DLGAP2: variants seen among roughly 807,000 people sequenced by gnomAD.
DLGAP2 encodes disks large-associated protein 2.
DLGAP2 carries 26 observed loss-of-function variants against 100.3 expected under a neutral mutation model. The observed-to-expected ratio is 0.26, with a 90% CI of 0.19 to 0.36. The LOEUF (loss-of-function observed/expected upper bound fraction) is 0.36, where lower values mean the gene tolerates loss of function less well. Ranked by LOEUF, DLGAP2 falls within the 10% of genes least tolerant of loss-of-function variation. DLGAP2 has a pLI of 1.00. For synonymous variants in DLGAP2, 886 were observed against 630.1 expected, an observed-to-expected ratio of 1.41 and a Z score of -6.08; for missense variants, 1,858 against 1,453.2, an observed-to-expected ratio of 1.28 and a Z score of -4.53.
At position 1,203,908 on chromosome 8, in the gene DLGAP2, T is replaced by C. The variant is rs560772780; in HGVS notation, c.74-54943T>C. On this transcript the variant is annotated intron_variant, in intron 2 of 14. Coordinates refer to ENST00000637795, the MANE Select transcript of DLGAP2 (RefSeq NM_001346810.2). ...GAAGTGCCTGTATCAGGACTCAGCCTGACCACCTGTGAGCCTGCCCCTGGG... is the reference window on the plus strand; with the variant it reads ...GAAGTGCCTGTATCAGGACTCAGCCCGACCACCTGTGAGCCTGCCCCTGGG... 3.2e-5 allele frequency among the ~76,000 whole-genome samples: 4 copies of C among 126,982 alleles called. No homozygotes were observed. In the South Asian group the frequency reaches 1.0e-3, roughly 33 times the overall value. The allele number at this position is 126,982 out of a possible 152,430, so 83.3% of individuals were successfully genotyped here.
chr8:1,522,937 C>G (rs967826556), intron 4 of DLGAP2, among the ~76,000 whole-genome samples: 1 of 152,096 alleles, frequency 6.6e-6, no homozygotes, highest in Non-Finnish European at 1.5e-5. Context: ...ACCTGGGTGA[C>G]AGATGTATAT....
intron 3 of DLGAP2, among the ~76,000 whole-genome samples, chr8:1,392,138 C>T (rs1796373948): frequency 6.6e-6 from 1 of 152,154 alleles, no homozygotes; most frequent in South Asian, 2.1e-4. Flanking sequence ...TCTAATTTTT[C>T]AGAGGCTGGG....
chr8:1,356,045 C>T (rs558815950), intron 3 of DLGAP2, among the ~76,000 whole-genome samples: 12 of 152,238 alleles, frequency 7.9e-5, no homozygotes, highest in Non-Finnish European at 1.3e-4. Context: ...ACTGCACTGT[C>T]GGTCAGTATG....
chr8:1,435,364 T>A (rs1797587175), intron 3 of DLGAP2, among the ~76,000 whole-genome samples: 1 of 152,094 alleles, frequency 6.6e-6, no homozygotes. Context: ...CACACGGGTG[T>A]TTCAGTCAAA....
chr8:1,501,525 C>A, intron 4 of DLGAP2, 94 bp downstream of exon 4: 2 of 1,215,598 alleles, frequency 1.6e-6, no homozygotes, highest in Non-Finnish European at 2.3e-6. Flanking sequence ...CCCACAAACA[C>A]ACGTTAGCAT....
intron 2 of DLGAP2, among the ~76,000 whole-genome samples, chr8:1,237,680 A>T (rs1280440340): frequency 5.0e-5 from 6 of 121,144 alleles, no homozygotes; most frequent in Non-Finnish European, 1.0e-4. Context: ...GTTCTCTCTC[A>T]CATGGCACCG....
At chr8:1,286,918 G>A (rs1799933421) in intron 3 of DLGAP2, among the ~76,000 whole-genome samples, 2 of 152,200 alleles carry the variant, frequency 1.3e-5, no homozygotes, top group African/African-American at 4.8e-5. Flanking sequence ...AATACAATGA[G>A]GGCTTATGCT....
chr8:1,517,161 G>T (rs1432364244), intron 4 of DLGAP2, among the ~76,000 whole-genome samples: 1 of 152,160 alleles, frequency 6.6e-6, no homozygotes, highest in African/African-American at 2.4e-5. Flanking sequence ...TGGGTGGAGG[G>T]CGAGTCCTGG....
intron 3 of DLGAP2, among the ~76,000 whole-genome samples, chr8:1,464,012 A>G (rs539404730): frequency 2.6e-4 from 39 of 152,374 alleles, no homozygotes; most frequent in African/African-American, 9.1e-4. Context: ...GAAAAAGACC[A>G]AAGTATCATG....
At chr8:754,271 C>A (rs1820864166) in intron 1 of DLGAP2, 1 of 152,242 alleles carries the variant, frequency 6.6e-6, no homozygotes, top group Admixed American at 6.5e-5. Context: ...CTGCCGAGTA[C>A]TTCCCGATCT....
chr8:1,029,701 C>T (rs1801921153), intron 2 of DLGAP2, among the ~76,000 whole-genome samples: 2 of 152,042 alleles, frequency 1.3e-5, no homozygotes, highest in African/African-American at 4.8e-5. Context: ...AGGCGGGTGA[C>T]CTTGACTGAG....
intron 2 of DLGAP2, among the ~76,000 whole-genome samples, chr8:973,246 A>G (rs28380445): frequency 0.43 from 63,437 of 146,466 alleles, 14,017 homozygotes; most frequent in Admixed American, 0.56. Context: ...GGCCGGGCGG[A>G]GGCTGTCCCC....
intron 3 of DLGAP2, chr8:1,297,374 G>A (rs1800206585): frequency 6.6e-6 from 1 of 152,452 alleles, no homozygotes; most frequent in African/African-American, 2.4e-5. Context: ...CAGAGCTTCA[G>A]TGAGAGCTTT....
At chr8:781,821 C>A (rs1455162552) in intron 1 of DLGAP2, among the ~76,000 whole-genome samples, 3 of 152,128 alleles carry the variant, frequency 2.0e-5, no homozygotes, top group Non-Finnish European at 4.4e-5. Context: ...TTTGCAACAA[C>A]AATTATATAA....
intron 2 of DLGAP2, among the ~76,000 whole-genome samples, chr8:1,226,482 G>T (rs1047883806): frequency 2.6e-5 from 4 of 152,152 alleles, no homozygotes; most frequent in Admixed American, 2.0e-4. Flanking sequence ...AGGGGGCAAG[G>T]GGGAGGGAGA....
chr8:1,694,742 C>T (rs554795796), intron 13 of DLGAP2, among the ~76,000 whole-genome samples: 15 of 152,224 alleles, frequency 9.9e-5, no homozygotes, highest in East Asian at 7.7e-4. Flanking sequence ...ATCCAATGGA[C>T]GCCGGATGCC....
intron 6 of DLGAP2, 150 bp from the exon 7 acceptor site, chr8:1,626,590 C>G: frequency 1.1e-6 from 1 of 935,798 alleles, no homozygotes; most frequent in East Asian, 2.6e-5. Context: ...GCAGCAGGTG[C>G]TCAGCCTCTG....
intron 3 of DLGAP2, among the ~76,000 whole-genome samples, chr8:1,493,908 C>T (rs776331888): frequency 5.3e-5 from 8 of 152,140 alleles, no homozygotes; most frequent in South Asian, 2.1e-4. Context: ...CATTTCATTT[C>T]GAAAAAGGCC....
chr8:1,353,305 C>T (rs1003590467), intron 3 of DLGAP2, among the ~76,000 whole-genome samples: 1 of 152,168 alleles, frequency 6.6e-6, no homozygotes, highest in East Asian at 1.9e-4. Flanking sequence ...CACAGCAGTG[C>T]GATAAGATTG....
Sources: allele counts gnomAD v4.1 joint callset (sites outside exome capture counted in the v4.1 genomes callset), GRCh38; gene constraint gnomAD v4.1.1; transcripts MANE v1.5; gene names NCBI Gene and HGNC (gene_info 2026-07-23, HGNC 2026-07-21).